Variants in AGO2 observed in about 807,000 individuals in gnomAD.
The protein encoded by AGO2 is protein argonaute-2.
Under a neutral mutation model 102.3 loss-of-function variants are expected in AGO2, and 5 were observed. The observed-to-expected ratio is 0.05, with a 90% confidence interval of 0.03 to 0.10. The LOEUF is 0.10. Among genes scored for constraint, AGO2 ranks in the 10% least tolerant of loss-of-function variants. The pLI, the probability that AGO2 is intolerant of heterozygous loss-of-function variation, is 1.00. For missense variants in AGO2, 541 were observed against 1,183.7 expected (o/e 0.46, Z 7.97); for synonymous variants, 449 against 473.1 (o/e 0.95, Z 0.66).
intron 3 of AGO2, among the ~76,000 whole-genome samples, chr8:140,564,327 T>C (rs1238096366): frequency 1.2e-5 from 1 of 82,474 alleles, no homozygotes; most frequent in East Asian, 3.4e-4. Flanking sequence ...GCTTCGCCCA[T>C]GGGGGATTTC....
intron 16 of AGO2, 148 bp from the exon 17 acceptor site, chr8:140,535,717 AC>A (rs1439867825): frequency 4.5e-6 from 3 of 671,802 alleles, no homozygotes; most frequent in Middle Eastern, 3.8e-4. Flanking sequence ...GGATAGTGTT[AC>A]ATAAAATTTA....
At chr8:140,602,212 T>A (rs945170881) in intron 1 of AGO2, among the ~76,000 whole-genome samples, 3 of 152,212 alleles carry the variant, frequency 2.0e-5, no homozygotes, top group African/African-American at 7.2e-5. Flanking sequence ...ATAAATATCA[T>A]GAAGGGAAAA....
chr8:140,622,092 G>C (rs180887233), intron 1 of AGO2, among the ~76,000 whole-genome samples: 3 of 152,210 alleles, frequency 2.0e-5, no homozygotes, highest in Admixed American at 2.0e-4. Flanking sequence ...TGATGCTGCC[G>C]TGTGAACCGT....
intron 1 of AGO2, among the ~76,000 whole-genome samples, chr8:140,608,238 G>A (rs546933573): frequency 2.0e-5 from 3 of 152,252 alleles, no homozygotes; most frequent in South Asian, 2.1e-4. Flanking sequence ...CACTTTTTAC[G>A]CTGCCATTCT....
chr8:140,621,848 G>A (rs1411033222), intron 1 of AGO2, among the ~76,000 whole-genome samples: 1 of 152,178 alleles, frequency 6.6e-6, no homozygotes, highest in Non-Finnish European at 1.5e-5. Flanking sequence ...GGCGGGAATG[G>A]AAACGGTGCA....
At chr8:140,568,743 C>T (rs917492704) in intron 3 of AGO2, among the ~76,000 whole-genome samples, 1 of 152,224 alleles carries the variant, frequency 6.6e-6, no homozygotes, top group Non-Finnish European at 1.5e-5. Context: ...ACCAGTCCCA[C>T]CCATCATGTC....
At chr8:140,535,600 G>C in intron 16 of AGO2, 31 bp from the exon 17 acceptor site, 3 of 1,609,018 alleles carry the variant, frequency 1.9e-6, no homozygotes, top group Non-Finnish European at 2.6e-6. Context: ...CGTTAGACAC[G>C]GCCAGGGACC....
chr8:140,641,294 A>G, the AGO2 span, among the ~76,000 whole-genome samples: 2 of 89,818 alleles, frequency 2.2e-5, no homozygotes, highest in African/African-American at 8.5e-5. Context: ...CGCTGTCTCA[A>G]AACACACACA....
chr8:140,532,744 C>G, intron 17 of AGO2, 129 bp from the exon 18 acceptor site: 1 of 1,087,410 alleles, frequency 9.2e-7, no homozygotes, highest in South Asian at 1.5e-5. Flanking sequence ...CGCCTGTAAT[C>G]CCAGCACTTT....
intron 1 of AGO2, among the ~76,000 whole-genome samples, chr8:140,614,946 G>A (rs10087629): frequency 0.45 from 68,071 of 152,074 alleles, 15,478 homozygotes; most frequent in Non-Finnish European, 0.5. Context: ...GTGACTCTTG[G>A]TAACATCTTT....
Position 140,525,204 on chromosome 8 carries a change from AT to A in AGO2, c.*6839del, listed in dbSNP as rs2072480787. 1 of 152,262 alleles carries A rather than the reference AT, an allele frequency of 6.6e-6. No individual in the cohort carries two copies. The highest frequency in any genetic ancestry group is 1.5e-5 in the Non-Finnish European group (1 of 68,050). 9.4% of individuals were successfully genotyped at this position (152,262 alleles called of 1,614,324 possible). ...CTTCAGTTCTCTCACTTCTGAGTAA[AT>A]TCTCACAAACGCGAAGATGGTGGGA... On this transcript the variant is annotated 3_prime_UTR_variant, in exon 19 of 19. Transcript: ENST00000220592.
intron 8 of AGO2, among the ~76,000 whole-genome samples, chr8:140,556,571 C>T (rs558038481): frequency 3.0e-4 from 45 of 152,258 alleles, no homozygotes; most frequent in Non-Finnish European, 5.3e-4. Context: ...GACACCGGCA[C>T]TTCTGGGCTC....
intron 14 of AGO2, among the ~76,000 whole-genome samples, chr8:140,542,915 G>T (rs568677964): frequency 6.6e-6 from 1 of 152,326 alleles, no homozygotes; most frequent in South Asian, 2.1e-4. Flanking sequence ...GAAGCAGGTG[G>T]ATCACCTGAG....
intron 12 of AGO2, among the ~76,000 whole-genome samples, 166 bp from the exon 13 acceptor site, chr8:140,547,793 G>C (rs2072927259): frequency 6.6e-6 from 1 of 152,250 alleles, no homozygotes; most frequent in African/African-American, 2.4e-5. Flanking sequence ...TGATAGAAGA[G>C]GGTCCCTGGT....
rs940340545 is a variant in AGO2, at chr8:140,544,204, G to A, written c.1839+9C>T. On this transcript the variant is annotated intron_variant, in intron 14 of 18. Coordinates refer to ENST00000220592, the MANE Select transcript of AGO2 (RefSeq NM_012154.5). ...AATGGAAGACCCATGGGGAAGCGCTGACACTCACGGCGGCAATGGAGGGCT... is the reference window on the plus strand; with the variant it reads ...AATGGAAGACCCATGGGGAAGCGCTAACACTCACGGCGGCAATGGAGGGCT... 1.3e-6 allele frequency: 2 copies of A among 1,579,914 alleles called. No homozygotes were observed. The highest frequency in any genetic ancestry group is 2.8e-5 in the African/African-American group (2 of 72,176).
Position 140,520,276 on chromosome 8 carries a change from C to T in AGO2, c.*11768G>A, listed in dbSNP as rs913316540. On this transcript the variant is annotated 3_prime_UTR_variant, in exon 19 of 19. Coordinates refer to ENST00000220592, the MANE Select transcript of AGO2 (RefSeq NM_012154.5). ...ACATCATATTTTATCAGATTTACAG[C>T]ATTCTGTGCATGTTAGGGGTTATGT... The T allele has an allele frequency of 6.6e-6, 1 of 152,098 alleles. No individual in the cohort carries two copies. The highest frequency in any genetic ancestry group is 2.1e-4 in the South Asian group (1 of 4,824). The allele number at this position is 152,098 out of a possible 1,614,324, so 9.4% of individuals were successfully genotyped here.
upstream of AGO2, chr8:140,637,939 C>A (rs1257401374): frequency 1.3e-5 from 2 of 152,378 alleles, no homozygotes; most frequent in African/African-American, 4.8e-5. Flanking sequence ...TCCCCCAGAC[C>A]CACGTCCCAC....
rs991660077 is a variant in AGO2, at chr8:140,540,187, C to G, written c.2035-733G>C. On this transcript the variant is annotated intron_variant, in intron 15 of 18. Transcript: ENST00000220592. This position sits in a 1 kb window ranked among gnomAD's most constrained non-coding sequence, Gnocchi z 5.0. The stretch of plus-strand genomic sequence containing the variant: ...GCTGGCCGGTCAAGGTGTATCCATT[C>G]TGTCCTCCCAGGAGGCCATGGGTCT... 5.3e-5 allele frequency among the ~76,000 whole-genome samples: 8 copies of G among 152,200 alleles called. No individual in the cohort carries two copies. The highest frequency in any genetic ancestry group is 1.9e-4 in the African/African-American group (8 of 41,448).
intron 17 of AGO2, among the ~76,000 whole-genome samples, chr8:140,534,502 G>A (rs1457013027): frequency 6.6e-6 from 1 of 152,316 alleles, no homozygotes; most frequent in East Asian, 1.9e-4. Flanking sequence ...GCACTCCATC[G>A]CCTGCTTCTC....
Sources: allele counts gnomAD v4.1 joint callset (sites outside exome capture counted in the v4.1 genomes callset), GRCh38; gene constraint gnomAD v4.1.1; non-coding constraint Gnocchi (gnomAD v3.1); transcripts MANE v1.5; gene names NCBI Gene and HGNC (gene_info 2026-07-23, HGNC 2026-07-21).